The following CTBS variants were observed in gnomAD, a reference collection of about 807,000 sequenced individuals.
The protein encoded by CTBS is chitobiase.
In CTBS, 35 loss-of-function variants were observed where a neutral mutation model predicts 44.3. The observed-to-expected ratio is 0.79, with a 90% CI of 0.60 to 1.05. The LOEUF (loss-of-function observed/expected upper bound fraction) is 1.05. Ranked by LOEUF, CTBS falls within the 50% of genes least tolerant of loss-of-function variation. The pLI, the probability that CTBS is intolerant of heterozygous loss-of-function variation, is 0.00. For synonymous variants in CTBS, 143 were observed against 168.0 expected, an observed-to-expected ratio of 0.85 and a Z score of 1.15; for missense variants, 458 against 475.3, an observed-to-expected ratio of 0.96 and a Z score of 0.34.
In CTBS at chr1:84,552,245, A is replaced by C. The variant is rs1314162934; in HGVS notation, c.*2754T>G. 1 of 152,200 alleles carries C rather than the reference A, an allele frequency of 6.6e-6. No individual in the cohort carries two copies. Among genetic ancestry groups the C allele is most frequent in the African/African-American group, 2.4e-5 (1 of 41,458 alleles). The allele number at this position is 152,200 out of a possible 1,614,324, so 9.4% of individuals were successfully genotyped here. A position where few individuals can be genotyped will look rare whatever the true frequency, so the allele number is the denominator to read the frequency against. On this transcript the variant is annotated 3_prime_UTR_variant, in exon 7 of 7. Coordinates refer to ENST00000370630, the MANE Select transcript of CTBS (RefSeq NM_004388.3). ...CCATATTTATTCAAGATAGTATAGC[A>C]TAAGTAGTGCTTCTCAAAGTTTAAT... is the stretch of plus-strand genomic sequence containing the variant.
chr1:84,553,550 G>A lies in CTBS; in HGVS notation c.*1449C>T, dbSNP rs1684339003. 6.6e-6 allele frequency: 1 copy of A among 151,906 alleles called. No homozygotes were observed. The highest frequency in any genetic ancestry group is 1.5e-5 in the Non-Finnish European group (1 of 67,986). 9.4% of individuals were successfully genotyped at this position (151,906 alleles called of 1,614,324 possible). On this transcript the variant is annotated 3_prime_UTR_variant, in exon 7 of 7. Transcript: ENST00000370630. ...ATTATATCTTAATTAAAAGAAATCTGGAAATATAAAAGAATGGGGGTATTG... is the reference window on the plus strand; with the variant it reads ...ATTATATCTTAATTAAAAGAAATCTAGAAATATAAAAGAATGGGGGTATTG...
intron 6 of CTBS, among the ~76,000 whole-genome samples, chr1:84,556,632 A>G (rs1558622556): frequency 6.6e-6 from 1 of 150,608 alleles, no homozygotes; most frequent in Non-Finnish European, 1.5e-5. Context: ...GAATTGCTTG[A>G]ACCCAGGAGA....
rs1163579941 is a variant in CTBS at position 84,551,559 on chromosome 1, TTTAAG to T, written c.*3435_*3439del. The T allele has an allele frequency of 2.0e-5, 3 of 153,600 alleles. No homozygotes were observed. The highest frequency in any genetic ancestry group is 4.3e-5 in the Non-Finnish European group (3 of 69,390). The allele number at this position is 153,600 out of a possible 1,614,324, so 9.5% of individuals were successfully genotyped here. A position where few individuals can be genotyped will look rare whatever the true frequency, so the allele number is the denominator to read the frequency against. On this transcript the variant is annotated 3_prime_UTR_variant, in exon 7 of 7. Transcript: ENST00000370630. Reference sequence around the variant, plus strand: ...TTAAATTTTATTTAATTTTAGTTAATTTAAGTTTAGTAGTTACATATGGCAACTGG... The same window carrying T: ...TTAAATTTTATTTAATTTTAGTTAATTTTAGTAGTTACATATGGCAACTGG...
chr1:84,573,433 G>T (rs1474645482), intron 1 of CTBS, among the ~76,000 whole-genome samples: 1 of 152,192 alleles, frequency 6.6e-6, no homozygotes, highest in Non-Finnish European at 1.5e-5. Flanking sequence ...ACACTAGGCA[G>T]GTTCTCCATA....
chr1:84,565,727 C>G (rs1290311532), intron 4 of CTBS, 114 bp downstream of exon 4: 1 of 510,406 alleles, frequency 2.0e-6, no homozygotes, highest in African/African-American at 2.0e-5. Flanking sequence ...TTGAAGCAAG[C>G]CTTACAATTG....
chr1:84,567,530 CAATT>C (rs1684722725), intron 3 of CTBS, among the ~76,000 whole-genome samples: 1 of 152,136 alleles, frequency 6.6e-6, no homozygotes. Flanking sequence ...ACTGCTAAGT[CAATT>C]AAAGCATCTG....
intron 6 of CTBS, among the ~76,000 whole-genome samples, chr1:84,560,499 T>C (rs1237772766): frequency 1.3e-5 from 2 of 152,242 alleles, no homozygotes; most frequent in Non-Finnish European, 2.9e-5. Context: ...GTTTTTCCTG[T>C]ATCTTTGGGT....
intron 6 of CTBS, among the ~76,000 whole-genome samples, chr1:84,561,801 T>C (rs2102023067): frequency 6.6e-6 from 1 of 152,386 alleles, no homozygotes; most frequent in Admixed American, 6.5e-5. Flanking sequence ...TATCATTTTT[T>C]TAGCAATAAA....
intron 3 of CTBS, among the ~76,000 whole-genome samples, chr1:84,568,604 A>C (rs1684740761): frequency 6.6e-6 from 1 of 152,172 alleles, no homozygotes; most frequent in Non-Finnish European, 1.5e-5. Context: ...TCCCAGACCT[A>C]CTGAGTCAAT....
Position 84,549,922 on chromosome 1 carries a change from A to G in CTBS, c.*5077T>C, listed in dbSNP as rs987931874. ...TTTATCTTACTGTTTAATCAGTTCA[A>G]TATAAGAATTTTTTCACAAAGCCAG... is the stretch of plus-strand genomic sequence containing the variant. On this transcript the variant is annotated 3_prime_UTR_variant, in exon 7 of 7. Transcript: ENST00000370630. 3 of 151,772 alleles carry G rather than the reference A, an allele frequency of 2.0e-5. No individual in the cohort carries two copies. Among genetic ancestry groups the G allele is most frequent in the Admixed American group, 6.6e-5 (1 of 15,236 alleles). 9.4% of individuals were successfully genotyped at this position (151,772 alleles called of 1,614,324 possible).
At chr1:84,562,533 A>C (rs1684614601) in intron 6 of CTBS, among the ~76,000 whole-genome samples, 1 of 152,158 alleles carries the variant, frequency 6.6e-6, no homozygotes, top group Admixed American at 6.5e-5. Flanking sequence ...TCATTTTAGT[A>C]CTCCTTTTAA....
chr1:84,558,912 G>T (rs960453478), intron 6 of CTBS, among the ~76,000 whole-genome samples: 8 of 151,748 alleles, frequency 5.3e-5, no homozygotes, highest in African/African-American at 1.9e-4. Flanking sequence ...AAAAAAAGAA[G>T]AATGTGTTCC....
Position 84,574,326 on chromosome 1 carries a change from CA to C in CTBS, c.89del (p.Leu30ArgfsTer73). On this transcript the variant is annotated frameshift_variant, in exon 1 of 7. Coordinates refer to ENST00000370630, the MANE Select transcript of CTBS (RefSeq NM_004388.3). LOFTEE classifies it high-confidence loss of function. ...TCCCGGCCGCGAGCCGCAGCGCCAG[CA>C]GCGCCAGCAGCGCCAGCAGCGCTAG... ...PGLALLALLA[L>X]LALRLAAGTD... 6.4e-7 allele frequency: 1 copy of C among 1,561,982 alleles called. No individual in the cohort carries two copies. The highest frequency in any genetic ancestry group is 8.7e-7 in the Non-Finnish European group (1 of 1,153,644).
chr1:84,573,993 A>C, intron 1 of CTBS: 1 of 1,377,530 alleles, frequency 7.3e-7, no homozygotes, highest in Non-Finnish European at 9.4e-7. Flanking sequence ...TAGGAGGCAG[A>C]TCTGGTTTGA....
In CTBS at chr1:84,574,319, GCGCC is replaced by G; in HGVS notation, c.93_96del (p.Ala32CysfsTer70). ...CAGTCGGTCCCGGCCGCGAGCCGCA[GCGCC>G]AGCAGCGCCAGCAGCGCCAGCAGCG... On this transcript the variant is annotated frameshift_variant, in exon 1 of 7. Coordinates refer to ENST00000370630, the MANE Select transcript of CTBS (RefSeq NM_004388.3). LOFTEE classifies it high-confidence loss of function. 1 of 805,372 alleles carries G rather than the reference GCGCC, an allele frequency of 1.2e-6. No individual in the cohort carries two copies. Among genetic ancestry groups the G allele is most frequent in the Non-Finnish European group, 1.6e-6 (1 of 613,216 alleles). The allele number at this position is 805,372 out of a possible 1,614,324, so 49.9% of individuals were successfully genotyped here. A position where few individuals can be genotyped will look rare whatever the true frequency, so the allele number is the denominator to read the frequency against.
At chr1:84,570,742 C>G in intron 1 of CTBS, 22 bp from the exon 2 acceptor site, 1 of 1,607,406 alleles carries the variant, frequency 6.2e-7, no homozygotes, top group African/African-American at 1.3e-5. Context: ...AAGATGAGCA[C>G]CATCATTTAA....
Position 84,549,872 on chromosome 1 carries a change from C to CT in CTBS, c.*5126dup, listed in dbSNP as rs11435445. ...AATGGTTTGTCCATAGTAGTTGGTA[C>CT]TTTTTTTTTTAGCATAGCTTATACT... On this transcript the variant is annotated 3_prime_UTR_variant, in exon 7 of 7. Transcript: ENST00000370630. 59,894 of 148,300 alleles carry CT rather than the reference C, an allele frequency of 0.4. 14,371 individuals are homozygous for CT. The highest frequency in any genetic ancestry group is 0.68 in the African/African-American group (27,905 of 40,840). 9.2% of individuals were successfully genotyped at this position (148,300 alleles called of 1,614,324 possible).
intron 1 of CTBS, among the ~76,000 whole-genome samples, chr1:84,571,987 G>T (rs1262015746): frequency 6.6e-6 from 1 of 152,200 alleles, no homozygotes. Flanking sequence ...CAGAAATCCT[G>T]CAAGTATGTG....
chr1:84,574,385 GGCGC>G lies in CTBS; in HGVS notation c.27_30del (p.Trp9CysfsTer13). On this transcript the variant is annotated frameshift_variant, in exon 1 of 7. Coordinates refer to ENST00000370630, the MANE Select transcript of CTBS (RefSeq NM_004388.3). LOFTEE classifies it high-confidence loss of function. Reference sequence around the variant, plus strand: ...ACGCCGCTCGGCGGGCTAGAGACGAGGCGCCAGCGTCGAAGCTGCGGCCGGGACA... The same window carrying G: ...ACGCCGCTCGGCGGGCTAGAGACGAGCAGCGTCGAAGCTGCGGCCGGGACA... The G allele has an allele frequency of 6.4e-7, 1 of 1,562,548 alleles. No individual in the cohort carries two copies. The highest frequency in any genetic ancestry group is 8.7e-7 in the Non-Finnish European group (1 of 1,154,726).
Sources: allele counts gnomAD v4.1 joint callset (sites outside exome capture counted in the v4.1 genomes callset), GRCh38; gene constraint gnomAD v4.1.1; transcripts MANE v1.5; gene names NCBI Gene and HGNC (gene_info 2026-07-23, HGNC 2026-07-21).